Variants in LTBP1 observed in about 807,000 individuals in gnomAD.
LTBP1 encodes latent transforming growth factor beta binding protein 1, also known as latent-transforming growth factor beta-binding protein 1.
LTBP1 carries 129 observed loss-of-function variants against 207.6 expected under a neutral mutation model. That is an observed-to-expected ratio of 0.62 (90% CI 0.54 to 0.72). The LOEUF is 0.72. Among genes scored for constraint, LTBP1 ranks in the 30% least tolerant of loss-of-function variants. The pLI is 0.00. For synonymous variants in LTBP1, 963 were observed against 833.7 expected, an observed-to-expected ratio of 1.16 and a Z score of -2.67; for missense variants, 2,281 against 2,217.2, an observed-to-expected ratio of 1.03 and a Z score of -0.58.
chr2:33,206,537 G>T (rs1415323548), intron 7 of LTBP1, among the ~76,000 whole-genome samples: 2 of 151,976 alleles, frequency 1.3e-5, no homozygotes, highest in Admixed American at 6.6e-5. Flanking sequence ...TTAGGAGATC[G>T]AGACCATCCT....
chr2:33,388,581 T>A (rs1009762755), intron 31 of LTBP1, among the ~76,000 whole-genome samples: 1 of 152,220 alleles, frequency 6.6e-6, no homozygotes, highest in African/African-American at 2.4e-5. Context: ...ATTATATGAC[T>A]GGTAGCTGTT....
chr2:33,017,876 A>G (rs1688608610), intron 2 of LTBP1, among the ~76,000 whole-genome samples: 1 of 152,152 alleles, frequency 6.6e-6, no homozygotes, highest in Non-Finnish European at 1.5e-5. Flanking sequence ...TCGGCCTCCC[A>G]AAGTACAAGT....
chr2:33,133,427 C>G (rs532591288), intron 4 of LTBP1, among the ~76,000 whole-genome samples: 1 of 152,194 alleles, frequency 6.6e-6, no homozygotes, highest in Non-Finnish European at 1.5e-5. Context: ...TAAAGCCTGA[C>G]AGATGACTGG....
chr2:33,122,870 G>C (rs185389249), intron 4 of LTBP1, among the ~76,000 whole-genome samples: 1 of 152,114 alleles, frequency 6.6e-6, no homozygotes, highest in Non-Finnish European at 1.5e-5. Flanking sequence ...GTACACAACC[G>C]CAGTTGAACA....
intron 5 of LTBP1, among the ~76,000 whole-genome samples, chr2:33,165,391 G>C (rs2084827347): frequency 6.6e-6 from 1 of 152,232 alleles, no homozygotes; most frequent in Admixed American, 6.5e-5. Context: ...ATGGGACAGA[G>C]AAGAATCTAG....
In LTBP1 at chr2:33,209,919, C is replaced by T. The variant is rs538971764; in HGVS notation, c.1702-7633C>T. On this transcript the variant is annotated intron_variant, in intron 7 of 33. Transcript: ENST00000404816. ...CATGAAAAACGGATGTCTCTAGTGCCATTTTATAGAAGACAAAATAGGCAG... is the reference window on the plus strand; with the variant it reads ...CATGAAAAACGGATGTCTCTAGTGCTATTTTATAGAAGACAAAATAGGCAG... 4.8e-4 allele frequency among the ~76,000 whole-genome samples: 73 copies of T among 152,304 alleles called. 1 individual carries two copies. Among genetic ancestry groups the T allele is most frequent in the African/African-American group, 1.7e-3 (69 of 41,560 alleles).
At chr2:32,953,901 T>G (rs532982481) in intron 2 of LTBP1, among the ~76,000 whole-genome samples, 1 of 152,332 alleles carries the variant, frequency 6.6e-6, no homozygotes, top group African/African-American at 2.4e-5. Context: ...CAGAGGCGAC[T>G]TGGAGTGTGA....
chr2:33,256,272 A>G (rs2092848018), intron 11 of LTBP1, among the ~76,000 whole-genome samples: 1 of 151,448 alleles, frequency 6.6e-6, no homozygotes, highest in African/African-American at 2.4e-5. Context: ...CTTGATTTCT[A>G]CCTATCATCT....
intron 24 of LTBP1, among the ~76,000 whole-genome samples, chr2:33,317,440 G>A (rs1226705604): frequency 6.6e-6 from 1 of 151,800 alleles, no homozygotes; most frequent in East Asian, 1.9e-4. Flanking sequence ...ATTTTTTATG[G>A]GCTTAATCCA....
intron 2 of LTBP1, among the ~76,000 whole-genome samples, chr2:32,971,088 C>T (rs910859661): frequency 6.6e-6 from 1 of 150,954 alleles, no homozygotes; most frequent in Non-Finnish European, 1.5e-5. Context: ...ATGTGGCGCT[C>T]AGCTTGGATG....
intron 3 of LTBP1, among the ~76,000 whole-genome samples, chr2:33,058,636 A>G (rs2077125064): frequency 6.6e-6 from 1 of 152,224 alleles, no homozygotes; most frequent in Non-Finnish European, 1.5e-5. Flanking sequence ...TTGTGTTTTA[A>G]ATTGATAGCT....
intron 19 of LTBP1, among the ~76,000 whole-genome samples, chr2:33,284,705 T>C (rs2093629110): frequency 6.6e-6 from 1 of 152,224 alleles, no homozygotes; most frequent in African/African-American, 2.4e-5. Flanking sequence ...GGAAACTCTC[T>C]AATATTTAAT....
At chr2:32,986,964 G>A (rs768851202) in intron 2 of LTBP1, among the ~76,000 whole-genome samples, 3 of 152,166 alleles carry the variant, frequency 2.0e-5, no homozygotes, top group Non-Finnish European at 4.4e-5. Context: ...AGTGGTTTGT[G>A]TTGCTCTGAT....
At chr2:33,335,899 T>C (rs1188703839) in intron 24 of LTBP1, among the ~76,000 whole-genome samples, 1 of 152,160 alleles carries the variant, frequency 6.6e-6, no homozygotes, top group East Asian at 1.9e-4. Flanking sequence ...GTTAAGAAGT[T>C]CTGAGCTAAA....
intron 2 of LTBP1, among the ~76,000 whole-genome samples, chr2:32,994,146 A>C (rs1338715154): frequency 1.3e-5 from 2 of 150,866 alleles, no homozygotes; most frequent in Non-Finnish European, 3.0e-5. Flanking sequence ...GAGTGCTAAA[A>C]CATAAAGGGT....
intron 3 of LTBP1, among the ~76,000 whole-genome samples, chr2:33,037,829 C>A (rs867177553): frequency 6.6e-6 from 1 of 152,190 alleles, no homozygotes; most frequent in South Asian, 2.1e-4. Flanking sequence ...GCAATTCTCC[C>A]ACCTCAGCCA....
At chr2:33,006,198 C>T (rs976951399) in intron 2 of LTBP1, among the ~76,000 whole-genome samples, 2 of 152,126 alleles carry the variant, frequency 1.3e-5, no homozygotes, top group African/African-American at 4.8e-5. Context: ...GCTGAGATTA[C>T]AGGCGTGAGC....
At chr2:33,326,163 A>C (rs565362585) in intron 24 of LTBP1, among the ~76,000 whole-genome samples, 21 of 152,276 alleles carry the variant, frequency 1.4e-4, no homozygotes, top group African/African-American at 4.8e-4. Flanking sequence ...AATGTCCCAG[A>C]TACTCAGTTT....
chr2:33,130,646 A>G (rs1473010827), intron 4 of LTBP1, among the ~76,000 whole-genome samples: 1 of 152,076 alleles, frequency 6.6e-6, no homozygotes, highest in African/African-American at 2.4e-5. Context: ...ATTCACTCTG[A>G]ATATCTGTGG....
Sources: gnomAD v4.1 joint callset for allele counts (sites outside exome capture counted in the v4.1 genomes callset) on GRCh38, gnomAD v4.1.1 for gene constraint, MANE v1.5 for transcripts, NCBI Gene and HGNC (gene_info 2026-07-23, HGNC 2026-07-21) for gene names.